The following DLGAP1 variants were observed in gnomAD, a reference collection of about 807,000 sequenced individuals.
DLGAP1 encodes the protein disks large-associated protein 1.
In DLGAP1, 11 loss-of-function variants were observed where a neutral mutation model predicts 90.8. The ratio of observed to expected loss-of-function variants is 0.12; its 90% CI spans 0.08 to 0.20. The LOEUF is 0.20. DLGAP1 is among the 10% of genes least tolerant of loss of function. DLGAP1 has a pLI of 1.00. For missense variants in DLGAP1, 1,050 were observed against 1,333.8 expected, an observed-to-expected ratio of 0.79 and a Z score of 3.31; for synonymous variants, 558 against 540.7, an observed-to-expected ratio of 1.03 and a Z score of -0.44.
At chr18:3,751,437 C>G (rs1598589616) in intron 5 of DLGAP1, among the ~76,000 whole-genome samples, 1 of 151,896 alleles carries the variant, frequency 6.6e-6, no homozygotes. Flanking sequence ...GCTGGGACCA[C>G]AGGTGTGTGT....
chr18:3,683,249 A>G (rs2060583546), intron 7 of DLGAP1, among the ~76,000 whole-genome samples: 1 of 152,232 alleles, frequency 6.6e-6, no homozygotes, highest in Non-Finnish European at 1.5e-5. Context: ...CTGATGGTAG[A>G]TGAAATCAGG....
chr18:3,934,088 T>C (rs971922955), intron 3 of DLGAP1, among the ~76,000 whole-genome samples: 3 of 151,868 alleles, frequency 2.0e-5, no homozygotes, highest in African/African-American at 7.3e-5. Flanking sequence ...AGAGTAATTT[T>C]ATTTAGTGAA....
chr18:3,914,221 C>T (rs2072094528), intron 3 of DLGAP1, among the ~76,000 whole-genome samples: 1 of 152,176 alleles, frequency 6.6e-6, no homozygotes, highest in African/African-American at 2.4e-5. Flanking sequence ...TCCCTTTCCC[C>T]CAGGCTCTGG....
intron 1 of DLGAP1, among the ~76,000 whole-genome samples, chr18:4,386,397 T>C (rs1433092457): frequency 6.6e-5 from 10 of 152,188 alleles, no homozygotes. Context: ...ACCCCAAATT[T>C]TCCATTAACT....
chr18:3,980,363 A>T (rs2073700494), intron 3 of DLGAP1, among the ~76,000 whole-genome samples: 1 of 152,072 alleles, frequency 6.6e-6, no homozygotes, highest in South Asian at 2.1e-4. Flanking sequence ...ATAGAGGAAG[A>T]CGGCTCTGCC....
intron 5 of DLGAP1, among the ~76,000 whole-genome samples, chr18:3,802,222 A>G (rs1356417919): frequency 6.6e-6 from 1 of 151,690 alleles, no homozygotes; most frequent in Non-Finnish European, 1.5e-5. Flanking sequence ...TGACTTTGTG[A>G]TCCGCCCGCC....
intron 3 of DLGAP1, among the ~76,000 whole-genome samples, chr18:3,957,854 T>C (rs1237879331): frequency 6.6e-6 from 1 of 152,036 alleles, no homozygotes; most frequent in Non-Finnish European, 1.5e-5. Flanking sequence ...AAAGGTACCT[T>C]GTTCAGTGGA....
intron 3 of DLGAP1, among the ~76,000 whole-genome samples, chr18:3,984,860 G>A (rs988338823): frequency 4.6e-5 from 7 of 151,840 alleles, no homozygotes; most frequent in Admixed American, 3.3e-4. Flanking sequence ...GGTTCTGAAG[G>A]CCCTGGCATA....
chr18:4,414,717 C>G (rs372375830), intron 1 of DLGAP1, among the ~76,000 whole-genome samples: 1,799 of 70,130 alleles, frequency 0.026, 46 homozygotes, highest in African/African-American at 0.052. Context: ...CAGAGCAAGA[C>G]TCTGTCAAAA....
Position 4,125,428 on chromosome 18 carries a change from T to A in DLGAP1, c.-159+25752A>T, listed in dbSNP as rs535728166. The stretch of plus-strand genomic sequence containing the variant: ...CAGACAAAGGAGAGAAGCATTCCCA[T>A]CATTAGGGACAACAGGCTGGCCTCA... On this transcript the variant is annotated intron_variant, in intron 2 of 12. Coordinates refer to ENST00000315677, the MANE Select transcript of DLGAP1 (RefSeq NM_004746.4). Among the ~76,000 whole-genome samples, 5 of 152,196 alleles carry A rather than the reference T, an allele frequency of 3.3e-5. No individual in the cohort carries two copies. The East Asian group carries it at 9.7e-4, about 29-fold the overall frequency.
intron 1 of DLGAP1, among the ~76,000 whole-genome samples, chr18:4,226,134 G>C (rs1256583426): frequency 6.6e-6 from 1 of 152,080 alleles, no homozygotes; most frequent in African/African-American, 2.4e-5. Context: ...GGAGAGAGTG[G>C]CCTTATATAT....
chr18:3,979,514 TAGAA>T (rs1458436428), intron 3 of DLGAP1, among the ~76,000 whole-genome samples: 2 of 152,122 alleles, frequency 1.3e-5, no homozygotes, highest in Non-Finnish European at 2.9e-5. Context: ...GCGTATCTCT[TAGAA>T]AGAAAAAGTA....
chr18:3,988,854 G>A (rs1475435674), intron 3 of DLGAP1, among the ~76,000 whole-genome samples: 3 of 152,190 alleles, frequency 2.0e-5, no homozygotes, highest in Admixed American at 6.5e-5. Context: ...ATGCCAGTCC[G>A]CGGCTGTGGC....
At chr18:3,615,846 G>A (rs1431789242) in intron 7 of DLGAP1, among the ~76,000 whole-genome samples, 1 of 152,136 alleles carries the variant, frequency 6.6e-6, no homozygotes, top group Non-Finnish European at 1.5e-5. Flanking sequence ...TAGGTGGGGA[G>A]GGGGCATTTT....
At chr18:3,521,518 C>T (rs1176252899) in intron 10 of DLGAP1, among the ~76,000 whole-genome samples, 51 of 152,196 alleles carry the variant, frequency 3.4e-4, no homozygotes, top group Non-Finnish European at 2.9e-5. Context: ...TAAGCTGAGA[C>T]TGTCTCTTCC....
chr18:4,010,412 G>A (rs949094121), intron 2 of DLGAP1, among the ~76,000 whole-genome samples: 1 of 152,102 alleles, frequency 6.6e-6, no homozygotes, highest in African/African-American at 2.4e-5. Flanking sequence ...GCCGGGTGTG[G>A]TGGCACAAGC....
intron 1 of DLGAP1, chr18:4,281,126 T>C (rs1461901320): frequency 1.3e-5 from 2 of 152,252 alleles, no homozygotes; most frequent in Admixed American, 6.5e-5. Flanking sequence ...GTAATACTTG[T>C]TGAGTACTAA....
intron 7 of DLGAP1, chr18:3,680,230 C>T (rs547773257): frequency 6.6e-6 from 1 of 152,372 alleles, no homozygotes; most frequent in Admixed American, 6.5e-5. Flanking sequence ...GGGAGCGAAA[C>T]AAAACCAAAA....
At chr18:3,997,713 T>A (rs549593840) in intron 3 of DLGAP1, among the ~76,000 whole-genome samples, 44 of 152,012 alleles carry the variant, frequency 2.9e-4, no homozygotes, top group Non-Finnish European at 5.9e-4. Context: ...AAAATTAAAA[T>A]TAATTTTAAT....
Sources: allele counts gnomAD v4.1 joint callset (sites outside exome capture counted in the v4.1 genomes callset), GRCh38; gene constraint gnomAD v4.1.1; transcripts MANE v1.5; gene names NCBI Gene and HGNC (gene_info 2026-07-23, HGNC 2026-07-21).